The following XKR4 variants were observed in gnomAD, a reference collection of about 807,000 sequenced individuals.
XKR4 encodes XK related 4.
In XKR4, 12 loss-of-function variants were observed where a neutral mutation model predicts 53.9. The ratio of observed to expected loss-of-function variants is 0.22; its 90% CI spans 0.14 to 0.36. XKR4 has a LOEUF of 0.36. Ranked by LOEUF, XKR4 falls within the 10% of genes least tolerant of loss-of-function variation. The pLI is 1.00. For synonymous variants in XKR4, 354 were observed against 362.4 expected (o/e 0.98, Z 0.26); for missense variants, 799 against 859.5 (o/e 0.93, Z 0.88).
chr8:55,393,402 AGAAGGAAGGAAG>A (rs36208673), intron 2 of XKR4, among the ~76,000 whole-genome samples: 4,660 of 144,894 alleles, frequency 0.032, 249 homozygotes, highest in African/African-American at 0.11. Context: ...ATACTTCTTA[AGAAGGAAGGAAG>A]GAAGGAAGGA....
chr8:55,391,501 C>G (rs1804442768), intron 2 of XKR4, among the ~76,000 whole-genome samples: 1 of 151,932 alleles, frequency 6.6e-6, no homozygotes, highest in Admixed American at 6.6e-5. Context: ...TTAAAAACTG[C>G]AAAATTCAAA....
At chr8:55,472,770 C>A (rs889833152) in intron 2 of XKR4, among the ~76,000 whole-genome samples, 3 of 152,072 alleles carry the variant, frequency 2.0e-5, no homozygotes, top group Non-Finnish European at 4.4e-5. Flanking sequence ...ATTGGCTGAT[C>A]ACCTCAAGAA....
intron 1 of XKR4, among the ~76,000 whole-genome samples, chr8:55,144,958 A>G (rs534365987): frequency 6.6e-6 from 1 of 152,044 alleles, no homozygotes; most frequent in African/African-American, 2.4e-5. Context: ...CAGCCTCCCA[A>G]GTAGCTGGGA....
At position 55,447,434 on chromosome 8, in the gene XKR4, C is replaced by G. The variant is rs192225679; in HGVS notation, c.1007-75847C>G. Reference sequence around the variant, plus strand: ...AGGGAAGATAACACACACAGACTAGCTTTTCAAAAAGGTTGGCTAAGAAAG... The same window carrying G: ...AGGGAAGATAACACACACAGACTAGGTTTTCAAAAAGGTTGGCTAAGAAAG... On this transcript the variant is annotated intron_variant, in intron 2 of 2. Coordinates refer to ENST00000327381, the MANE Select transcript of XKR4 (RefSeq NM_052898.2). Among the ~76,000 whole-genome samples, 3 of 152,236 alleles carry G rather than the reference C, an allele frequency of 2.0e-5. No individual in the cohort carries two copies. The East Asian group carries it at 5.8e-4, about 29-fold the overall frequency.
chr8:55,133,293 A>G (rs1408019049), intron 1 of XKR4, among the ~76,000 whole-genome samples: 1 of 152,216 alleles, frequency 6.6e-6, no homozygotes, highest in Non-Finnish European at 1.5e-5. Context: ...CTGGCTAAAA[A>G]CTGCTGGGCC....
At chr8:55,106,219 G>A (rs912788454) in intron 1 of XKR4, among the ~76,000 whole-genome samples, 1 of 152,080 alleles carries the variant, frequency 6.6e-6, no homozygotes, top group Non-Finnish European at 1.5e-5. Context: ...TCTAAATACA[G>A]TCTTTTGAAA....
At chr8:55,447,377 ATGGACACTACGGCTCCCC>A (rs1178295734) in intron 2 of XKR4, among the ~76,000 whole-genome samples, 1 of 152,186 alleles carries the variant, frequency 6.6e-6, no homozygotes, top group Non-Finnish European at 1.5e-5. Flanking sequence ...CTCTTGGTAG[ATGGACACTACGGCTCCCC>A]TGAGAGGGGA....
chr8:55,202,992 T>C (rs1817596098), intron 1 of XKR4, among the ~76,000 whole-genome samples: 1 of 152,144 alleles, frequency 6.6e-6, no homozygotes, highest in Admixed American at 6.5e-5. Flanking sequence ...GTTGCAGGCA[T>C]TTGAAAGACC....
chr8:55,149,486 TG>T (rs1040644963), intron 1 of XKR4, among the ~76,000 whole-genome samples: 12 of 152,050 alleles, frequency 7.9e-5, no homozygotes, highest in African/African-American at 2.9e-4. Context: ...TGGGCCTGGA[TG>T]GGGTGGTGGG....
At chr8:55,267,959 G>A (rs1482993279) in intron 1 of XKR4, among the ~76,000 whole-genome samples, 2 of 152,148 alleles carry the variant, frequency 1.3e-5, no homozygotes, top group African/African-American at 4.8e-5. Context: ...TTTAAATGGT[G>A]TTAATTTAGA....
intron 2 of XKR4, among the ~76,000 whole-genome samples, chr8:55,509,213 G>C (rs1806586633): frequency 6.6e-6 from 1 of 152,142 alleles, no homozygotes; most frequent in African/African-American, 2.4e-5. Flanking sequence ...ACCTACTAGA[G>C]ACAACACCTG....
In XKR4 at chr8:55,116,745, T is replaced by C. The variant is rs370446044; in HGVS notation, c.806+13451T>C. ...GTTGCTATGCTGTCACTTTTCTTGC[T>C]AGGGTTCCCTCCCCCATCTATGTGC... is the stretch of plus-strand genomic sequence containing the variant. On this transcript the variant is annotated intron_variant, in intron 1 of 2. Transcript: ENST00000327381. Among the ~76,000 whole-genome samples, 35 of 152,290 alleles carry C rather than the reference T, an allele frequency of 2.3e-4. 1 individual carries two copies. In the South Asian group the frequency reaches 6.8e-3, roughly 30 times the overall value.
intron 2 of XKR4, among the ~76,000 whole-genome samples, chr8:55,501,900 A>C (rs998324281): frequency 1.3e-5 from 2 of 152,192 alleles, no homozygotes; most frequent in African/African-American, 2.4e-5. Context: ...AGCAGAATCC[A>C]CAAACGCTCA....
At chr8:55,264,781 C>A (rs1246714427) in intron 1 of XKR4, among the ~76,000 whole-genome samples, 1 of 152,138 alleles carries the variant, frequency 6.6e-6, no homozygotes. Flanking sequence ...TACATCATTC[C>A]TCTTAATATG....
At chr8:55,110,599 C>T (rs1348116581) in intron 1 of XKR4, among the ~76,000 whole-genome samples, 1 of 151,994 alleles carries the variant, frequency 6.6e-6, no homozygotes, top group Non-Finnish European at 1.5e-5. Flanking sequence ...TTTTAGATTA[C>T]TAGTGTTGGG....
chr8:55,340,872 G>A (rs1803534958), intron 1 of XKR4, among the ~76,000 whole-genome samples: 2 of 152,180 alleles, frequency 1.3e-5, no homozygotes, highest in Admixed American at 1.3e-4. Flanking sequence ...ACCAGGGAGA[G>A]CAGCCTGCAT....
intron 2 of XKR4, among the ~76,000 whole-genome samples, chr8:55,373,647 T>A (rs931919133): frequency 7.2e-5 from 11 of 152,192 alleles, no homozygotes; most frequent in African/African-American, 2.4e-4. Flanking sequence ...ATTCATATTT[T>A]AAAAAATCTA....
intron 2 of XKR4, among the ~76,000 whole-genome samples, chr8:55,469,672 G>T (rs889745899): frequency 6.6e-6 from 1 of 152,104 alleles, no homozygotes; most frequent in African/African-American, 2.4e-5. Context: ...AGACAATGAG[G>T]ATAGAGTGTG....
intron 2 of XKR4, among the ~76,000 whole-genome samples, chr8:55,484,789 A>C (rs1225053346): frequency 2.0e-5 from 3 of 152,246 alleles, no homozygotes; most frequent in African/African-American, 7.2e-5. Context: ...TAAGTAAGAA[A>C]GAATTCTTTC....
Sources: gnomAD v4.1 joint callset for allele counts (sites outside exome capture counted in the v4.1 genomes callset) on GRCh38, gnomAD v4.1.1 for gene constraint, MANE v1.5 for transcripts, NCBI Gene and HGNC (gene_info 2026-07-23, HGNC 2026-07-21) for gene names.